Variants in KLF7 observed in about 807,000 individuals in gnomAD.
The protein encoded by KLF7 is KLF transcription factor 7.
In KLF7, 2 loss-of-function variants were observed where a neutral mutation model predicts 27.3. The observed-to-expected ratio is 0.07, with a 90% confidence interval of 0.03 to 0.23. The LOEUF is 0.23. KLF7 is among the 10% of genes least tolerant of loss of function. KLF7 has a pLI of 1.00. For missense variants in KLF7, 221 were observed against 394.1 expected, an observed-to-expected ratio of 0.56 and a Z score of 3.72; for synonymous variants, 165 against 162.4, an observed-to-expected ratio of 1.02 and a Z score of -0.12.
chr2:207,139,725 C>A (rs1468828649), intron 1 of KLF7, among the ~76,000 whole-genome samples: 2 of 152,186 alleles, frequency 1.3e-5, no homozygotes, highest in Non-Finnish European at 2.9e-5. Flanking sequence ...TTGGTTTTGA[C>A]AACACCCTTA....
upstream of KLF7, among the ~76,000 whole-genome samples, chr2:207,170,638 C>G (rs988309702): frequency 6.6e-6 from 1 of 152,080 alleles, no homozygotes; most frequent in Non-Finnish European, 1.5e-5. Context: ...GCTCATTTAC[C>G]ATTTTGAAAG....
chr2:207,151,763 A>C (rs1428123098), intron 1 of KLF7, among the ~76,000 whole-genome samples: 1 of 151,384 alleles, frequency 6.6e-6, no homozygotes, highest in African/African-American at 2.4e-5. Flanking sequence ...AAATAGTAAT[A>C]ATCTTGGGCC....
chr2:207,107,438 T>A (rs926532418), intron 2 of KLF7, among the ~76,000 whole-genome samples: 4 of 152,230 alleles, frequency 2.6e-5, no homozygotes, highest in Non-Finnish European at 5.9e-5. Flanking sequence ...TTCAGCGGCA[T>A]CCCTATCAAT....
intron 1 of KLF7, among the ~76,000 whole-genome samples, chr2:207,138,181 A>G (rs2077843302): frequency 6.6e-6 from 1 of 152,224 alleles, no homozygotes; most frequent in Admixed American, 6.5e-5. Flanking sequence ...ATATAGTTTC[A>G]AAGAAATCAT....
Position 207,136,672 on chromosome 2 carries a change from G to C in KLF7, c.103-12268C>G, listed in dbSNP as rs567622777. 2.0e-5 allele frequency among the ~76,000 whole-genome samples: 3 copies of C among 152,288 alleles called. No individual in the cohort carries two copies. In the East Asian group the frequency reaches 5.8e-4, roughly 29 times the overall value. ...AACATAGAAGTTTCAGGAGAACAGGGATTTAGTGTATGTACCAGTGAATCC... is the reference window on the plus strand; with the variant it reads ...AACATAGAAGTTTCAGGAGAACAGGCATTTAGTGTATGTACCAGTGAATCC... On this transcript the variant is annotated intron_variant, in intron 1 of 3. Coordinates refer to ENST00000309446, the MANE Select transcript of KLF7 (RefSeq NM_003709.4).
At chr2:207,122,634 C>A (rs2077369030) in intron 2 of KLF7, among the ~76,000 whole-genome samples, 1 of 152,088 alleles carries the variant, frequency 6.6e-6, no homozygotes, top group Non-Finnish European at 1.5e-5. Flanking sequence ...AGAACTAAAG[C>A]CCAGGTTGTT....
chr2:207,160,067 A>T (rs1416896113), intron 1 of KLF7, among the ~76,000 whole-genome samples: 1 of 152,228 alleles, frequency 6.6e-6, no homozygotes, highest in East Asian at 1.9e-4. Flanking sequence ...TTCTACAATG[A>T]GTATACAGAG....
intron 3 of KLF7, among the ~76,000 whole-genome samples, chr2:207,081,825 G>A (rs963903340): frequency 1.7e-4 from 25 of 146,578 alleles, no homozygotes; most frequent in Non-Finnish European, 2.7e-4. Flanking sequence ...ACTACTTACA[G>A]GCTTATCAGA....
At chr2:207,166,720 A>T (rs1247662706), upstream of KLF7, 3 of 848,636 alleles carry the variant, frequency 3.5e-6, no homozygotes, top group Non-Finnish European at 4.2e-6. Context: ...CGGGGCAGGG[A>T]CCCGCGCGAG....
At chr2:207,155,107 G>C (rs555282449) in intron 1 of KLF7, among the ~76,000 whole-genome samples, 2 of 152,302 alleles carry the variant, frequency 1.3e-5, no homozygotes, top group South Asian at 4.1e-4. Flanking sequence ...CAAGTTGTAT[G>C]ATTTTAAGCA....
chr2:207,164,279 G>C (rs977508883), intron 1 of KLF7, among the ~76,000 whole-genome samples: 1 of 152,180 alleles, frequency 6.6e-6, no homozygotes, highest in Non-Finnish European at 1.5e-5. Context: ...GTCACTAAGC[G>C]AAGAAATTAC....
intron 2 of KLF7, among the ~76,000 whole-genome samples, chr2:207,096,914 T>C (rs1174548564): frequency 2.6e-5 from 4 of 152,216 alleles, no homozygotes; most frequent in Non-Finnish European, 5.9e-5. Context: ...CCATAAGCAG[T>C]CCTCTAGCAA....
intron 2 of KLF7, among the ~76,000 whole-genome samples, chr2:207,092,014 T>C (rs1034878450): frequency 2.0e-5 from 3 of 152,182 alleles, no homozygotes; most frequent in African/African-American, 7.2e-5. Flanking sequence ...AAACTGCACG[T>C]CAGTGGTACC....
rs781120872 is a variant in KLF7, at chr2:207,079,270, T to C, written c.*1943A>G. The C allele has an allele frequency of 6.6e-6, 1 of 152,140 alleles. No individual in the cohort carries two copies. Among genetic ancestry groups the C allele is most frequent in the Non-Finnish European group, 1.5e-5 (1 of 68,028 alleles). The allele number at this position is 152,140 out of a possible 1,614,324, so 9.4% of individuals were successfully genotyped here. A position where few individuals can be genotyped will look rare whatever the true frequency, so the allele number is the denominator to read the frequency against. On this transcript the variant is annotated 3_prime_UTR_variant, in exon 4 of 4. Transcript: ENST00000309446. ...GGTTGCAGAAAGCTGAAAACCCAGATCTTGAAGGTTGCTGTCATATATGTG... is the reference window on the plus strand; with the variant it reads ...GGTTGCAGAAAGCTGAAAACCCAGACCTTGAAGGTTGCTGTCATATATGTG...
intron 1 of KLF7, among the ~76,000 whole-genome samples, chr2:207,124,696 CCCT>C (rs2077434067): frequency 6.6e-6 from 1 of 152,110 alleles, no homozygotes; most frequent in South Asian, 2.1e-4. Flanking sequence ...GATCTCTTGC[CCCT>C]CAATCCAATT....
In KLF7 at chr2:207,078,594, C is replaced by G. The variant is rs917566933; in HGVS notation, c.*2619G>C. 6.6e-6 allele frequency: 1 copy of G among 152,232 alleles called. No individual in the cohort carries two copies. Among genetic ancestry groups the G allele is most frequent in the Non-Finnish European group, 1.5e-5 (1 of 68,046 alleles). 9.4% of individuals were successfully genotyped at this position (152,232 alleles called of 1,614,324 possible). A position where few individuals can be genotyped will look rare whatever the true frequency, so the allele number is the denominator to read the frequency against. ...AGCTTGGGAGAGAACATTTGCAAAT[C>G]GTGGTGGCCATGGCTTAATGCCATC... On this transcript the variant is annotated 3_prime_UTR_variant, in exon 4 of 4. Coordinates refer to ENST00000309446, the MANE Select transcript of KLF7 (RefSeq NM_003709.4).
intron 2 of KLF7, among the ~76,000 whole-genome samples, chr2:207,115,576 C>T (rs923235819): frequency 2.0e-5 from 3 of 152,096 alleles, no homozygotes; most frequent in South Asian, 4.1e-4. Flanking sequence ...GATCTTGCCT[C>T]GACCAACATT....
At chr2:207,082,898 C>T (rs1312700341) in intron 3 of KLF7, among the ~76,000 whole-genome samples, 4 of 152,140 alleles carry the variant, frequency 2.6e-5, no homozygotes, top group Non-Finnish European at 5.9e-5. Flanking sequence ...TGTTTGTGTC[C>T]ATTCCTTAAA....
At chr2:207,149,992 T>TCA (rs1294309136) in intron 1 of KLF7, among the ~76,000 whole-genome samples, 2 of 152,120 alleles carry the variant, frequency 1.3e-5, no homozygotes, top group Non-Finnish European at 2.9e-5. Flanking sequence ...TGTTAATGAG[T>TCA]CACTGTAGCC....
Sources: gnomAD v4.1 joint callset for allele counts (sites outside exome capture counted in the v4.1 genomes callset) on GRCh38, gnomAD v4.1.1 for gene constraint, MANE v1.5 for transcripts, NCBI Gene and HGNC (gene_info 2026-07-23, HGNC 2026-07-21) for gene names.